TEN1: variants seen among roughly 807,000 people sequenced by gnomAD.
TEN1 encodes CST complex subunit TEN1.
Under a neutral mutation model 9.3 loss-of-function variants are expected in TEN1, and 6 were observed. The ratio of observed to expected loss-of-function variants is 0.65; its 90% CI spans 0.35 to 1.27. The LOEUF (loss-of-function observed/expected upper bound fraction) is 1.27. Ranked by LOEUF, TEN1 falls within the 50% of genes most tolerant of loss-of-function variation. TEN1 has a pLI of 0.03. For missense variants in TEN1, 149 were observed against 158.2 expected (o/e 0.94, Z 0.31); for synonymous variants, 65 against 65.6 (o/e 0.99, Z 0.04).
chr17:75,992,810 T>A (rs2066194747), intron 3 of TEN1, among the ~76,000 whole-genome samples: 1 of 150,336 alleles, frequency 6.7e-6, no homozygotes, highest in Non-Finnish European at 1.5e-5. Context: ...CCGTTTTTTT[T>A]TTTTTTTTTA....
Position 75,987,125 on chromosome 17 carries a change from C to T in TEN1, c.92+841C>T, listed in dbSNP as rs566498575. Among the ~76,000 whole-genome samples, 4 of 152,232 alleles carry T rather than the reference C, an allele frequency of 2.6e-5. No homozygotes were observed. In the South Asian group the frequency reaches 8.3e-4, roughly 32 times the overall value. ...AGGCGTAAGCCACTGTGCCCAGCCT[C>T]CCCCAAATTTAAAATAATTATTGTC... On this transcript the variant is annotated intron_variant, in intron 2 of 3. Coordinates refer to ENST00000397640, the MANE Select transcript of TEN1 (RefSeq NM_001113324.3).
Position 76,000,002 on chromosome 17 carries a change from C to T in TEN1, c.251-139C>T, listed in dbSNP as rs760885473. ...GGCCCAAATACTCAGTTGCCTTTGC[C>T]CCATATGCTGTTATTGTCCACATCA... On this transcript the variant is annotated intron_variant, in intron 3 of 3. Transcript: ENST00000397640. The surrounding 1 kb of genome is among the most constrained non-coding windows in gnomAD (Gnocchi z 5.9). The T allele has an allele frequency of 2.3e-5, 31 of 1,345,266 alleles. No individual in the cohort carries two copies. The highest frequency in any genetic ancestry group is 2.7e-5 in the Non-Finnish European group (27 of 1,006,986). The allele number at this position is 1,345,266 out of a possible 1,614,324, so 83.3% of individuals were successfully genotyped here. A position where few individuals can be genotyped will look rare whatever the true frequency, so the allele number is the denominator to read the frequency against.
At position 75,979,278 on chromosome 17, in the gene TEN1, G is replaced by T. The variant is rs1431056133; in HGVS notation, c.-240G>T. On this transcript the variant is annotated 5_prime_UTR_variant, in exon 1 of 4. Coordinates refer to ENST00000397640, the MANE Select transcript of TEN1 (RefSeq NM_001113324.3). ...AGTGACAGCGGCCCAGACAGAGGGG[G>T]CGATGTCCGCGTCGTGGCTGGGGCC... 2 of 690,284 alleles carry T rather than the reference G, an allele frequency of 2.9e-6. No homozygotes were observed. Among genetic ancestry groups the T allele is most frequent in the Non-Finnish European group, 4.9e-6 (2 of 404,598 alleles). 42.8% of individuals were successfully genotyped at this position (690,284 alleles called of 1,614,324 possible).
chr17:75,995,314 C>A (rs889661073), intron 3 of TEN1, among the ~76,000 whole-genome samples: 1 of 151,874 alleles, frequency 6.6e-6, no homozygotes, highest in African/African-American at 2.4e-5. Flanking sequence ...ATCGCTTGAG[C>A]CCAGGAGTTC....
intron 3 of TEN1, among the ~76,000 whole-genome samples, chr17:75,995,104 C>T (rs73359828): frequency 0.03 from 4,630 of 151,902 alleles, 71 homozygotes; most frequent in Middle Eastern, 0.055. Flanking sequence ...GCTTGTAGTC[C>T]CAGTTACTTG....
intron 2 of TEN1, among the ~76,000 whole-genome samples, chr17:75,987,555 G>A (rs2066159162): frequency 6.6e-6 from 1 of 152,188 alleles, no homozygotes; most frequent in Admixed American, 6.6e-5. Flanking sequence ...GGATGCACAA[G>A]GATGTAAATA....
intron 3 of TEN1, among the ~76,000 whole-genome samples, chr17:75,991,882 A>C (rs1464103151): frequency 6.6e-6 from 1 of 152,028 alleles, no homozygotes; most frequent in Non-Finnish European, 1.5e-5. Flanking sequence ...CCCCATCCCT[A>C]CTAAAAGTAC....
At chr17:75,999,025 A>C (rs2144367600) in intron 3 of TEN1, among the ~76,000 whole-genome samples, 1 of 152,094 alleles carries the variant, frequency 6.6e-6, no homozygotes, top group East Asian at 1.9e-4. Flanking sequence ...TTCTCTTGCA[A>C]GCTATGACTG....
Position 75,979,492 on chromosome 17 carries a change from A to C in TEN1, c.-26A>C. Reference sequence around the variant, plus strand: ...CGAGGCGGAAAGAAGAAATCCGAGGACCGGCGACGCCTAGAACAGGTTGGC... The same window carrying C: ...CGAGGCGGAAAGAAGAAATCCGAGGCCCGGCGACGCCTAGAACAGGTTGGC... On this transcript the variant is annotated 5_prime_UTR_variant, in exon 1 of 4. Coordinates refer to ENST00000397640, the MANE Select transcript of TEN1 (RefSeq NM_001113324.3). 6.0e-6 allele frequency: 2 copies of C among 334,838 alleles called. 1 individual carries two copies. The highest frequency in any genetic ancestry group is 4.7e-5 in the South Asian group (2 of 42,566). The allele number at this position is 334,838 out of a possible 1,614,324, so 20.7% of individuals were successfully genotyped here.
Position 75,992,855 on chromosome 17 carries a change from A to G in TEN1, c.250+1232A>G, listed in dbSNP as rs9892248. Reference sequence around the variant, plus strand: ...TTGCTCTGTCACCAGGCTGGAGTGCAGTGGCGCGATCTCAGCCCACTGCAA... The same window carrying G: ...TTGCTCTGTCACCAGGCTGGAGTGCGGTGGCGCGATCTCAGCCCACTGCAA... On this transcript the variant is annotated intron_variant, in intron 3 of 3. Transcript: ENST00000397640. Among the ~76,000 whole-genome samples the G allele has an allele frequency of 1.6e-3, 237 of 147,302 alleles. 1 individual carries two copies. The highest frequency in any genetic ancestry group is 4.1e-3 in the African/African-American group (163 of 39,694).
chr17:75,997,719 C>G (rs1225928192), intron 3 of TEN1, among the ~76,000 whole-genome samples: 2 of 152,158 alleles, frequency 1.3e-5, no homozygotes, highest in Non-Finnish European at 2.9e-5. Context: ...CCATGACCTT[C>G]CCTCCCTTTG....
At chr17:75,999,333 C>T (rs530775020) in intron 3 of TEN1, among the ~76,000 whole-genome samples, 1 of 152,044 alleles carries the variant, frequency 6.6e-6, no homozygotes, top group Admixed American at 6.6e-5. Context: ...AGAGCAACAC[C>T]CTGTCTCAAA....
chr17:75,986,713 A>T (rs906534423), intron 2 of TEN1, among the ~76,000 whole-genome samples: 9 of 151,112 alleles, frequency 6.0e-5, no homozygotes, highest in African/African-American at 2.2e-4. Flanking sequence ...AAAAATAATA[A>T]TAATAAATAT....
chr17:75,987,286 A>G (rs1433763346), intron 2 of TEN1, among the ~76,000 whole-genome samples: 2 of 152,186 alleles, frequency 1.3e-5, no homozygotes, highest in Admixed American at 1.3e-4. Flanking sequence ...CAGGACCTCT[A>G]CTTCCAAGAT....
In TEN1 at chr17:76,000,146, G is replaced by A; in HGVS notation, c.256G>A (p.Gly86Ser). Residue 86 changes from glycine to serine, a missense_variant, in exon 4 of 4, where the codon GGC (glycine) becomes AGC (serine). Physicochemically the swap from Gly to Ser is moderately conservative, Grantham distance 56 (BLOSUM62 0). Transcript: ENST00000397640. This position sits in a 1 kb window ranked among gnomAD's most constrained non-coding sequence, Gnocchi z 5.9. Reference protein sequence around the residue: ...LGELQHQQDRGSVVKARVLTC... With the variant: ...LGELQHQQDRSSVVKARVLTC... Reference sequence around the variant, plus strand: ...CCCTGGTGTTTGTCTTGCAGACAGAGGCTCCGTGGTGAAGGCGCGCGTGCT... The same window carrying A: ...CCCTGGTGTTTGTCTTGCAGACAGAAGCTCCGTGGTGAAGGCGCGCGTGCT... 6.4e-7 allele frequency: 1 copy of A among 1,551,094 alleles called. No homozygotes were observed. Among genetic ancestry groups the A allele is most frequent in the Non-Finnish European group, 8.7e-7 (1 of 1,146,744 alleles).
At chr17:75,996,414 G>A (rs564875831) in intron 3 of TEN1, among the ~76,000 whole-genome samples, 2 of 152,250 alleles carry the variant, frequency 1.3e-5, no homozygotes, top group East Asian at 3.9e-4. Context: ...GAAACTGGGA[G>A]GCGGAGGTTG....
intron 1 of TEN1, among the ~76,000 whole-genome samples, chr17:75,982,994 G>A (rs62088258): frequency 0.4 from 60,268 of 149,452 alleles, 13,793 homozygotes; most frequent in East Asian, 0.8. Flanking sequence ...AAGAAAAAAG[G>A]AAGAGGCCCG....
intron 3 of TEN1, among the ~76,000 whole-genome samples, chr17:75,997,824 A>T (rs998763908): frequency 1.3e-5 from 2 of 150,468 alleles, no homozygotes; most frequent in African/African-American, 4.9e-5. Flanking sequence ...TTTATAACCC[A>T]GGCCCTTCTT....
chr17:75,990,840 G>C (rs1426400460), intron 2 of TEN1, among the ~76,000 whole-genome samples: 2 of 149,802 alleles, frequency 1.3e-5, no homozygotes, highest in Non-Finnish European at 3.0e-5. Context: ...ACAAGACATA[G>C]AAAGCAAAAG....
Sources: allele counts gnomAD v4.1 joint callset (sites outside exome capture counted in the v4.1 genomes callset), GRCh38; gene constraint gnomAD v4.1.1; non-coding constraint Gnocchi (gnomAD v3.1); transcripts MANE v1.5; gene names NCBI Gene and HGNC (gene_info 2026-07-23, HGNC 2026-07-21).